MRPS9: variants seen among roughly 807,000 people sequenced by gnomAD.
MRPS9 encodes the protein small ribosomal subunit protein uS9m.
Under a neutral mutation model 59.9 loss-of-function variants are expected in MRPS9, and 45 were observed. That is an observed-to-expected ratio of 0.75 (90% CI 0.59 to 0.96). The LOEUF (loss-of-function observed/expected upper bound fraction) is 0.96, where lower values mean the gene tolerates loss of function less well. Among genes scored for constraint, MRPS9 ranks in the 40% least tolerant of loss-of-function variants. The probability of loss-of-function intolerance (pLI) is 0.00; values close to 1 mark genes in which losing one functional copy is unlikely to be tolerated. For synonymous variants in MRPS9, 171 were observed against 166.8 expected, an observed-to-expected ratio of 1.03 and a Z score of -0.19; for missense variants, 473 against 481.1, an observed-to-expected ratio of 0.98 and a Z score of 0.16.
intron 2 of MRPS9, among the ~76,000 whole-genome samples, chr2:105,070,597 A>G (rs766809448): frequency 2.0e-5 from 3 of 152,186 alleles, no homozygotes; most frequent in Admixed American, 6.5e-5. Context: ...ATTGGAGAAG[A>G]CACTATAAAA....
chr2:105,045,908 A>C (rs1158811760), intron 1 of MRPS9, among the ~76,000 whole-genome samples: 1 of 152,056 alleles, frequency 6.6e-6, no homozygotes, highest in Non-Finnish European at 1.5e-5. Context: ...TCTGTTGCCC[A>C]GGCTGGAGTG....
chr2:105,097,734 T>C (rs781587598), intron 10 of MRPS9, among the ~76,000 whole-genome samples: 2 of 152,208 alleles, frequency 1.3e-5, no homozygotes, highest in Non-Finnish European at 2.9e-5. Context: ...ACAGTCTCTC[T>C]CTGTCAGCCA....
intron 7 of MRPS9, chr2:105,091,354 A>G (rs1444068243): frequency 8.5e-6 from 4 of 470,966 alleles, no homozygotes; most frequent in Non-Finnish European, 1.8e-5. Flanking sequence ...GTGAGATGCA[A>G]TCAAGAGAGT....
At chr2:105,051,631 A>G (rs898008170) in intron 2 of MRPS9, among the ~76,000 whole-genome samples, 1 of 152,212 alleles carries the variant, frequency 6.6e-6, no homozygotes, top group African/African-American at 2.4e-5. Context: ...TTTTGAGAGT[A>G]TTCCCATCTT....
intron 1 of MRPS9, among the ~76,000 whole-genome samples, chr2:105,044,566 G>A (rs1679561518): frequency 1.3e-5 from 2 of 152,018 alleles, no homozygotes; most frequent in South Asian, 2.1e-4. Context: ...TAGCAAATTA[G>A]GGCCATTTTT....
intron 7 of MRPS9, among the ~76,000 whole-genome samples, chr2:105,090,466 G>A (rs1021803678): frequency 1.3e-5 from 2 of 151,688 alleles, no homozygotes; most frequent in African/African-American, 4.8e-5. Context: ...CTTGGGATCT[G>A]CAAACCACCT....
chr2:105,049,438 G>T, intron 2 of MRPS9, 88 bp downstream of exon 2: 1 of 1,138,786 alleles, frequency 8.8e-7, no homozygotes, highest in Non-Finnish European at 1.3e-6. Context: ...TTAGCTCTGT[G>T]TTTTAATCAA....
chr2:105,067,743 T>TGTGTGTGTGTGTGTGTGTGTATGTGTAC (rs1481002929), intron 2 of MRPS9, among the ~76,000 whole-genome samples: 3 of 152,130 alleles, frequency 2.0e-5, no homozygotes, highest in African/African-American at 7.2e-5. Context: ...CTCCTGAGTG[T>TGTGTGTGTGTGTGTGTGTGTATGTGTAC]GTGTGTGTGT....
intron 2 of MRPS9, among the ~76,000 whole-genome samples, chr2:105,056,950 T>G (rs909663962): frequency 6.6e-6 from 1 of 152,160 alleles, no homozygotes; most frequent in African/African-American, 2.4e-5. Flanking sequence ...ATTCTATATA[T>G]TTCAGAATTT....
At position 105,078,345 on chromosome 2, in the gene MRPS9, C is replaced by T. The variant is rs191668978; in HGVS notation, c.410-1638C>T. Among the ~76,000 whole-genome samples the T allele has an allele frequency of 1.8e-4, 17 of 93,134 alleles. No individual in the cohort carries two copies. In the East Asian group the frequency reaches 4.9e-3, roughly 27 times the overall value. 61.1% of individuals were successfully genotyped at this position (93,134 alleles called of 152,430 possible). On this transcript the variant is annotated intron_variant, in intron 4 of 10. Transcript: ENST00000258455. ...GTGTGTGTGTGTGTGTGTGTGTATA[C>T]ATTCACATATGTAATGAAATCAATC...
intron 5 of MRPS9, among the ~76,000 whole-genome samples, chr2:105,083,504 T>C (rs1353888665): frequency 1.3e-5 from 2 of 152,222 alleles, no homozygotes; most frequent in African/African-American, 2.4e-5. Context: ...CCAATACATA[T>C]GTTTCTGAAA....
chr2:105,059,071 G>GTT (rs1558753682), intron 2 of MRPS9, among the ~76,000 whole-genome samples: 1 of 140,506 alleles, frequency 7.1e-6, no homozygotes, highest in African/African-American at 2.7e-5. Context: ...TGTTCTGTGG[G>GTT]GTTTTTTTTT....
chr2:105,061,771 G>T (rs572856663), intron 2 of MRPS9, among the ~76,000 whole-genome samples: 1 of 152,120 alleles, frequency 6.6e-6, no homozygotes, highest in African/African-American at 2.4e-5. Flanking sequence ...GATACTGTTC[G>T]TATGGGTGCT....
intron 10 of MRPS9, among the ~76,000 whole-genome samples, chr2:105,098,893 G>A (rs1680729800): frequency 2.0e-5 from 3 of 152,150 alleles, no homozygotes; most frequent in African/African-American, 7.2e-5. Context: ...TGGAATCTAT[G>A]GTCTTTACTA....
intron 2 of MRPS9, among the ~76,000 whole-genome samples, chr2:105,053,405 A>G (rs1679745990): frequency 6.6e-6 from 1 of 152,204 alleles, no homozygotes; most frequent in Non-Finnish European, 1.5e-5. Flanking sequence ...TAGTTATTTT[A>G]TATATTTTAG....
At chr2:105,085,387 C>G (rs1680427203) in intron 5 of MRPS9, among the ~76,000 whole-genome samples, 1 of 152,102 alleles carries the variant, frequency 6.6e-6, no homozygotes, top group Non-Finnish European at 1.5e-5. Flanking sequence ...TATTACCATA[C>G]TAGTATCTAA....
chr2:105,073,361 C>T (rs1284205033), intron 4 of MRPS9, among the ~76,000 whole-genome samples: 1 of 152,116 alleles, frequency 6.6e-6, no homozygotes, highest in African/African-American at 2.4e-5. Context: ...AAATATGTCA[C>T]TCCTGGTAGG....
intron 2 of MRPS9, among the ~76,000 whole-genome samples, chr2:105,060,340 G>A (rs1679876587): frequency 6.6e-6 from 1 of 152,128 alleles, no homozygotes; most frequent in Non-Finnish European, 1.5e-5. Flanking sequence ...GGAGTGTAGT[G>A]GTGCAATCTC....
At chr2:105,071,214 C>A in intron 2 of MRPS9, 99 bp from the exon 3 acceptor site, 1 of 867,158 alleles carries the variant, frequency 1.2e-6, no homozygotes, top group Non-Finnish European at 1.8e-6. Flanking sequence ...TGCTTTGAAA[C>A]TCTAGTTCAA....
Sources: allele counts gnomAD v4.1 joint callset (sites outside exome capture counted in the v4.1 genomes callset), GRCh38; gene constraint gnomAD v4.1.1; transcripts MANE v1.5; gene names NCBI Gene and HGNC (gene_info 2026-07-23, HGNC 2026-07-21).